Variants in STX8 observed in about 807,000 individuals in gnomAD.
STX8 encodes syntaxin-8.
Under a neutral mutation model 37.5 loss-of-function variants are expected in STX8, and 23 were observed. That is an observed-to-expected ratio of 0.61 (90% CI 0.44 to 0.87). STX8 has a LOEUF of 0.87. STX8 is among the 40% of genes least tolerant of loss of function. The pLI is 0.00. For missense variants in STX8, 313 were observed against 284.7 expected, an observed-to-expected ratio of 1.10 and a Z score of -0.71; for synonymous variants, 115 against 99.1, an observed-to-expected ratio of 1.16 and a Z score of -0.95.
chr17:9,308,199 C>G (rs1459268158), intron 7 of STX8, among the ~76,000 whole-genome samples: 1 of 152,062 alleles, frequency 6.6e-6, no homozygotes. Context: ...GTGGGGAAAC[C>G]CCGCAGGACC....
At chr17:9,498,021 A>C (rs1904469620) in intron 5 of STX8, among the ~76,000 whole-genome samples, 1 of 152,214 alleles carries the variant, frequency 6.6e-6, no homozygotes, top group Non-Finnish European at 1.5e-5. Flanking sequence ...CCCACAGAGA[A>C]GCAATGAACC....
chr17:9,550,581 A>G (rs1216554927), intron 3 of STX8, among the ~76,000 whole-genome samples: 1 of 152,186 alleles, frequency 6.6e-6, no homozygotes, highest in African/African-American at 2.4e-5. Context: ...CTCAAAAAAT[A>G]AATAAATAAA....
intron 6 of STX8, among the ~76,000 whole-genome samples, chr17:9,424,323 C>G (rs1420673354): frequency 1.3e-5 from 2 of 151,944 alleles, no homozygotes; most frequent in African/African-American, 4.8e-5. Context: ...TTTTGGGTCC[C>G]TGCAAGATTG....
chr17:9,363,267 A>G (rs141982854), intron 7 of STX8, among the ~76,000 whole-genome samples: 356 of 152,348 alleles, frequency 2.3e-3, no homozygotes, highest in Middle Eastern at 0.01. Flanking sequence ...CTCCCGACCC[A>G]GGCTTAGCCA....
intron 7 of STX8, among the ~76,000 whole-genome samples, chr17:9,343,895 G>A (rs143249536): frequency 1.3e-5 from 2 of 152,166 alleles, no homozygotes; most frequent in East Asian, 1.9e-4. Flanking sequence ...ATAAAAGCCC[G>A]ACCTAATTAA....
intron 6 of STX8, among the ~76,000 whole-genome samples, chr17:9,430,273 G>T (rs1283222675): frequency 7.3e-6 from 1 of 137,034 alleles, no homozygotes; most frequent in Admixed American, 8.3e-5. Flanking sequence ...TAATTCTGTG[G>T]CATTAATTAC....
At position 9,316,111 on chromosome 17, in the gene STX8, C is replaced by T. The variant is rs146452875; in HGVS notation, c.643+62441G>A. ...CACCCCTATAATGTCTACTGTAGGA[C>T]ATGCTCAAAGGACACGTGATGACTT... is the stretch of plus-strand genomic sequence containing the variant. On this transcript the variant is annotated intron_variant, in intron 7 of 7. Coordinates refer to ENST00000306357, the MANE Select transcript of STX8 (RefSeq NM_004853.3). 4.3e-3 allele frequency among the ~76,000 whole-genome samples: 659 copies of T among 151,970 alleles called. 2 individuals carry two copies. The highest frequency in any genetic ancestry group is 7.2e-3 in the Non-Finnish European group (489 of 68,002).
At chr17:9,526,058 C>A (rs976082614) in intron 4 of STX8, among the ~76,000 whole-genome samples, 4 of 152,140 alleles carry the variant, frequency 2.6e-5, no homozygotes, top group Admixed American at 2.6e-4. Flanking sequence ...ACTGTCCCTA[C>A]GAACAGGGTA....
chr17:9,463,881 C>G (rs2142425070), intron 6 of STX8, among the ~76,000 whole-genome samples: 1 of 150,044 alleles, frequency 6.7e-6, no homozygotes, highest in Middle Eastern at 3.5e-3. Context: ...GTACTCCAGC[C>G]TGGGCAACAA....
intron 7 of STX8, among the ~76,000 whole-genome samples, chr17:9,289,889 C>T (rs1383267779): frequency 6.6e-6 from 1 of 152,094 alleles, no homozygotes; most frequent in Non-Finnish European, 1.5e-5. Flanking sequence ...AACTACGTAG[C>T]TCTGTTAATG....
chr17:9,299,926 G>C (rs1244320447), intron 7 of STX8, among the ~76,000 whole-genome samples: 2 of 152,170 alleles, frequency 1.3e-5, no homozygotes, highest in East Asian at 3.9e-4. Flanking sequence ...GAGATGTAGA[G>C]AGCTTTAAGT....
chr17:9,491,190 G>A (rs1344556505), intron 6 of STX8, among the ~76,000 whole-genome samples: 1 of 152,090 alleles, frequency 6.6e-6, no homozygotes, highest in Non-Finnish European at 1.5e-5. Flanking sequence ...CCAAAAACCA[G>A]TGTCTGCTCT....
At chr17:9,294,007 T>C (rs1467932482) in intron 7 of STX8, among the ~76,000 whole-genome samples, 1 of 152,144 alleles carries the variant, frequency 6.6e-6, no homozygotes, top group East Asian at 1.9e-4. Context: ...CCTAGTGATC[T>C]GCCCGTCTCG....
At chr17:9,575,656 G>T in intron 1 of STX8, 136 bp downstream of exon 1, 1 of 1,110,030 alleles carries the variant, frequency 9.0e-7, no homozygotes, top group Non-Finnish European at 1.3e-6. Flanking sequence ...AGCCCCCTCA[G>T]TAAAGGAAAG....
At chr17:9,472,155 A>T (rs1905897402) in intron 6 of STX8, among the ~76,000 whole-genome samples, 3 of 151,246 alleles carry the variant, frequency 2.0e-5, no homozygotes, top group Admixed American at 2.0e-4. Context: ...GAGGAGCCAG[A>T]GGTGGGATTT....
In STX8 at chr17:9,293,928, A is replaced by ATT. The variant is rs368515734; in HGVS notation, c.644-43285_644-43284dup. On this transcript the variant is annotated intron_variant, in intron 7 of 7. Transcript: ENST00000306357. ...AGGCACCCGCCACCACGCCTGGCTA[A>ATT]TTTTTTTTTTGTATTTTTAGTAGAG... Among the ~76,000 whole-genome samples the ATT allele has an allele frequency of 2.2e-3, 327 of 149,654 alleles. 2 individuals carry two copies. The highest frequency in any genetic ancestry group is 3.9e-3 in the Non-Finnish European group (259 of 67,212).
At chr17:9,441,358 C>A (rs565920755) in intron 6 of STX8, among the ~76,000 whole-genome samples, 1 of 151,466 alleles carries the variant, frequency 6.6e-6, no homozygotes, top group Non-Finnish European at 1.5e-5. Context: ...TGTGTGGTGG[C>A]ATGCACCTGT....
intron 4 of STX8, among the ~76,000 whole-genome samples, chr17:9,542,079 C>T (rs8068283): frequency 0.035 from 5,312 of 151,928 alleles, 339 homozygotes; most frequent in African/African-American, 0.12. Flanking sequence ...ATGACACAGG[C>T]CAGGTGTAGT....
chr17:9,496,996 C>T (rs1408159787), intron 5 of STX8, among the ~76,000 whole-genome samples: 1 of 152,146 alleles, frequency 6.6e-6, no homozygotes, highest in Non-Finnish European at 1.5e-5. Flanking sequence ...TAAGTTTGTG[C>T]TAATTTATTA....
Sources: allele counts gnomAD v4.1 joint callset (sites outside exome capture counted in the v4.1 genomes callset), GRCh38; gene constraint gnomAD v4.1.1; transcripts MANE v1.5; gene names NCBI Gene and HGNC (gene_info 2026-07-23, HGNC 2026-07-21).